Variants in TRERF1 observed in about 807,000 individuals in gnomAD.
The protein encoded by TRERF1 is transcriptional-regulating factor 1.
In TRERF1, 27 loss-of-function variants were observed where a neutral mutation model predicts 122.9. That is an observed-to-expected ratio of 0.22 (90% CI 0.16 to 0.30). The LOEUF (loss-of-function observed/expected upper bound fraction) is 0.30, where lower values mean the gene tolerates loss of function less well. TRERF1 is among the 10% of genes least tolerant of loss of function. The pLI is 1.00. For synonymous variants in TRERF1, 636 were observed against 641.7 expected, an observed-to-expected ratio of 0.99 and a Z score of 0.13; for missense variants, 1,248 against 1,560.3, an observed-to-expected ratio of 0.80 and a Z score of 3.37.
At chr6:42,360,780 A>C (rs1771587242) in intron 3 of TRERF1, among the ~76,000 whole-genome samples, 1 of 136,582 alleles carries the variant, frequency 7.3e-6, no homozygotes, top group South Asian at 2.2e-4. Flanking sequence ...TTAAAAAAAA[A>C]AAAAAAAAAA....
At chr6:42,296,157 A>G (rs1207046827) in intron 4 of TRERF1, among the ~76,000 whole-genome samples, 1 of 152,144 alleles carries the variant, frequency 6.6e-6, no homozygotes, top group Non-Finnish European at 1.5e-5. Context: ...GAGGGCCAAG[A>G]TATGGAGTGT....
intron 2 of TRERF1, among the ~76,000 whole-genome samples, chr6:42,446,948 T>A (rs1214404438): frequency 1.3e-5 from 2 of 152,160 alleles, no homozygotes; most frequent in Admixed American, 6.5e-5. Flanking sequence ...GAGGCTGCAG[T>A]GAGCTGAGAT....
At chr6:42,319,458 C>A (rs924869216) in intron 3 of TRERF1, among the ~76,000 whole-genome samples, 1 of 152,180 alleles carries the variant, frequency 6.6e-6, no homozygotes, top group Non-Finnish European at 1.5e-5. Flanking sequence ...ATGTTAAACT[C>A]CTGAAATGTG....
chr6:42,269,781 G>T lies in TRERF1; in HGVS notation c.-191C>A. ...GTACCACTCATGTGCAGGGCGGGGG[G>T]TTTCACATCCTCTCCCTGGCTGAGG... On this transcript the variant is annotated 5_prime_UTR_variant, in exon 5 of 18. Coordinates refer to ENST00000372922, the Ensembl canonical transcript of TRERF1. This position sits in a 1 kb window ranked among gnomAD's most constrained non-coding sequence, Gnocchi z 4.9. 7.0e-7 allele frequency: 1 copy of T among 1,424,286 alleles called. No homozygotes were observed. Among genetic ancestry groups the T allele is most frequent in the Non-Finnish European group, 9.2e-7 (1 of 1,091,548 alleles). The allele number at this position is 1,424,286 out of a possible 1,614,324, so 88.2% of individuals were successfully genotyped here. A position where few individuals can be genotyped will look rare whatever the true frequency, so the allele number is the denominator to read the frequency against.
Position 42,425,356 on chromosome 6 carries a change from CAA to C in TRERF1, c.-454+25819_-454+25820del, listed in dbSNP as rs1439084917. 1.2e-3 allele frequency among the ~76,000 whole-genome samples: 174 copies of C among 147,020 alleles called. 1 individual carries two copies. Among genetic ancestry groups the C allele is most frequent in the East Asian group, 5.2e-3 (26 of 4,974 alleles). On this transcript the variant is annotated intron_variant, in intron 2 of 17. Coordinates refer to ENST00000372922, the Ensembl canonical transcript of TRERF1. ...TCTATGGAATAAATATGACAGCCCCCAACCAACCCCCTACATTTTACAGCAAA... is the reference window on the plus strand; with the variant it reads ...TCTATGGAATAAATATGACAGCCCCCCCAACCCCCTACATTTTACAGCAAA...
intron 2 of TRERF1, among the ~76,000 whole-genome samples, chr6:42,447,236 C>T (rs1313698242): frequency 2.0e-5 from 3 of 152,210 alleles, no homozygotes; most frequent in African/African-American, 7.2e-5. Flanking sequence ...CAAATTACTA[C>T]AAGCAGCTAC....
chr6:42,263,184 C>G lies in TRERF1; in HGVS notation c.1884+136G>C. ...CGTATCCAAGCTCAGGTCAGTGACTCTGGAAGGGCCGCCCCATCTCCAAGA... is the reference window on the plus strand; with the variant it reads ...CGTATCCAAGCTCAGGTCAGTGACTGTGGAAGGGCCGCCCCATCTCCAAGA... On this transcript the variant is annotated intron_variant, in intron 8 of 17. Transcript: ENST00000372922. The surrounding 1 kb of genome is among the most constrained non-coding windows in gnomAD (Gnocchi z 5.6). 1 of 1,441,740 alleles carries G rather than the reference C, an allele frequency of 6.9e-7. No individual in the cohort carries two copies. The highest frequency in any genetic ancestry group is 9.1e-7 in the Non-Finnish European group (1 of 1,098,282). The allele number at this position is 1,441,740 out of a possible 1,614,324, so 89.3% of individuals were successfully genotyped here. A position where few individuals can be genotyped will look rare whatever the true frequency, so the allele number is the denominator to read the frequency against.
chr6:42,277,768 A>G (rs35878235), intron 4 of TRERF1, among the ~76,000 whole-genome samples: 17,589 of 149,368 alleles, frequency 0.12, 1,295 homozygotes, highest in African/African-American at 0.18. Flanking sequence ...ACCTGAGCCT[A>G]GGAAGTTGAG....
chr6:42,245,547 A>G (rs35506223), intron 14 of TRERF1, among the ~76,000 whole-genome samples: 8,644 of 152,204 alleles, frequency 0.057, 328 homozygotes, highest in East Asian at 0.11. Flanking sequence ...TTGTTGAAAC[A>G]CTCTTTGAAT....
chr6:42,237,663 A>T (rs1772560030), intron 15 of TRERF1, among the ~76,000 whole-genome samples: 1 of 152,116 alleles, frequency 6.6e-6, no homozygotes, highest in Non-Finnish European at 1.5e-5. Flanking sequence ...AAGTCTGGGG[A>T]GCCTATGATT....
chr6:42,369,456 C>A (rs1423113199), intron 2 of TRERF1, among the ~76,000 whole-genome samples: 3 of 152,016 alleles, frequency 2.0e-5, no homozygotes, highest in Admixed American at 1.3e-4. Context: ...AAAATATGAA[C>A]AAACAAACAA....
chr6:42,435,875 G>T (rs1053536254), intron 2 of TRERF1, among the ~76,000 whole-genome samples: 1 of 151,854 alleles, frequency 6.6e-6, no homozygotes, highest in African/African-American at 2.4e-5. Context: ...AACTACTCAG[G>T]AGGCTGAGGC....
chr6:42,260,328 G>A lies in TRERF1; in HGVS notation c.1885-605C>T, dbSNP rs571650295. ...AAAACGGATCTGGTTAACCTCCCCC[G>A]TCACCACCCCTCACTATTGCTCCCA... On this transcript the variant is annotated intron_variant, in intron 8 of 17. Transcript: ENST00000372922. Among the ~76,000 whole-genome samples the A allele has an allele frequency of 3.7e-4, 56 of 152,024 alleles. No individual in the cohort carries two copies. In the South Asian group the frequency reaches 1.0e-2, roughly 27 times the overall value.
At chr6:42,389,781 C>T (rs1777405735) in intron 2 of TRERF1, among the ~76,000 whole-genome samples, 2 of 152,202 alleles carry the variant, frequency 1.3e-5, no homozygotes, top group South Asian at 4.1e-4. Flanking sequence ...ACTCAAAGCC[C>T]CTACAGAACT....
chr6:42,375,734 A>G (rs561271463), intron 2 of TRERF1, among the ~76,000 whole-genome samples: 1 of 152,172 alleles, frequency 6.6e-6, no homozygotes, highest in East Asian at 1.9e-4. Context: ...TGCGGCTGTG[A>G]TTACTATGGG....
intron 3 of TRERF1, among the ~76,000 whole-genome samples, chr6:42,355,121 G>A (rs1770250372): frequency 6.6e-6 from 1 of 152,072 alleles, no homozygotes; most frequent in Non-Finnish European, 1.5e-5. Flanking sequence ...ATGACTCTCT[G>A]CATTGACTAA....
chr6:42,322,233 G>T, intron 3 of TRERF1, among the ~76,000 whole-genome samples: 1 of 151,710 alleles, frequency 6.6e-6, no homozygotes, highest in Admixed American at 6.6e-5. Context: ...AGAGGTAGAG[G>T]GATGGTATAA....
At chr6:42,424,711 A>G (rs951391379) in intron 2 of TRERF1, among the ~76,000 whole-genome samples, 1 of 152,194 alleles carries the variant, frequency 6.6e-6, no homozygotes, top group Admixed American at 6.5e-5. Flanking sequence ...ACGTTTGCCC[A>G]TCGAACAGGG....
At chr6:42,443,409 T>C (rs1252427205) in intron 2 of TRERF1, among the ~76,000 whole-genome samples, 6 of 152,232 alleles carry the variant, frequency 3.9e-5, no homozygotes, top group Admixed American at 3.9e-4. Context: ...GAATTGACTT[T>C]CCAGCATACA....
Sources: gnomAD v4.1 joint callset for allele counts (sites outside exome capture counted in the v4.1 genomes callset) on GRCh38, gnomAD v4.1.1 for gene constraint, Gnocchi (gnomAD v3.1) non-coding constraint, MANE v1.5 for transcripts, NCBI Gene and HGNC (gene_info 2026-07-23, HGNC 2026-07-21) for gene names.